The following ADD3 variants were observed in gnomAD, a reference collection of about 807,000 sequenced individuals.
The protein encoded by ADD3 is gamma-adducin.
In ADD3, 25 loss-of-function variants were observed where a neutral mutation model predicts 80.2. The observed-to-expected ratio is 0.31, with a 90% CI of 0.23 to 0.44. ADD3 has a LOEUF of 0.44. Ranked by LOEUF, ADD3 falls within the 20% of genes least tolerant of loss-of-function variation. The pLI, the probability that ADD3 is intolerant of heterozygous loss-of-function variation, is 1.00. For synonymous variants in ADD3, 284 were observed against 289.6 expected (o/e 0.98, Z 0.20); for missense variants, 829 against 847.5 (o/e 0.98, Z 0.27).
At chr10:110,051,775 A>G (rs532329908) in intron 1 of ADD3, among the ~76,000 whole-genome samples, 19 of 152,342 alleles carry the variant, frequency 1.2e-4, no homozygotes, top group Non-Finnish European at 2.5e-4. Context: ...ACTTAATTGT[A>G]TAGATTCCTT....
chr10:110,093,107 C>T (rs1287649012), intron 1 of ADD3, among the ~76,000 whole-genome samples: 1 of 152,206 alleles, frequency 6.6e-6, no homozygotes, highest in Non-Finnish European at 1.5e-5. Flanking sequence ...AATCCGCCCA[C>T]CTTGGCCTCC....
intron 12 of ADD3, among the ~76,000 whole-genome samples, chr10:110,127,650 T>C (rs1056776049): frequency 6.6e-6 from 1 of 152,134 alleles, no homozygotes; most frequent in Non-Finnish European, 1.5e-5. Flanking sequence ...TGTCCTAATA[T>C]TATTTTCCAC....
chr10:110,118,645 A>G lies in ADD3; in HGVS notation c.626A>G (p.Asp209Gly). 1 of 1,613,784 alleles carries G rather than the reference A, an allele frequency of 6.2e-7. No individual in the cohort carries two copies. The highest frequency in any genetic ancestry group is 2.2e-5 in the East Asian group (1 of 44,878). ...CAGGGAAGTACCAATTTGAAAATTG[A>G]CCATACAGGATTCAGTCCCCATGCT... ...VDQGSTNLKI[D>G]HTGFSPHAAI... is the part of the protein sequence containing the mutation. Residue 209 changes from aspartate to glycine, a missense_variant, in exon 6 of 15, where the codon GAC becomes GGC. Transcript: ENST00000356080.
intron 1 of ADD3, among the ~76,000 whole-genome samples, chr10:110,036,616 C>G (rs142507872): frequency 1.6e-3 from 242 of 152,090 alleles, no homozygotes; most frequent in African/African-American, 5.7e-3. Flanking sequence ...TCATGATCCG[C>G]CCGCCTTGGC....
At position 110,124,172 on chromosome 10, in the gene ADD3, G is replaced by C. The variant is rs1229661165; in HGVS notation, c.1299G>C (p.Gln433His). Residue 433 changes from glutamine to histidine, a missense_variant, in exon 10 of 15, where the codon CAG (glutamine) becomes CAC (histidine). By Grantham distance (24) the Gln-to-His change is conservative (BLOSUM62 0). Transcript: ENST00000356080. ...TCAAATACATGGCACAGAGGCAACA[G>C]CGTGAAAAAACAAGATGGCTGAACT... Reference protein sequence around the residue: ...SPLKYMAQRQQREKTRWLNSP... With the variant: ...SPLKYMAQRQHREKTRWLNSP... The C allele has an allele frequency of 8.7e-6, 14 of 1,614,028 alleles. No individual in the cohort carries two copies. Among genetic ancestry groups the C allele is most frequent in the Non-Finnish European group, 1.2e-5 (14 of 1,180,026 alleles).
At chr10:110,047,907 T>C (rs1030319963) in intron 1 of ADD3, among the ~76,000 whole-genome samples, 1 of 152,194 alleles carries the variant, frequency 6.6e-6, no homozygotes, top group Non-Finnish European at 1.5e-5. Flanking sequence ...GAAACAAACA[T>C]ATTATTACTA....
intron 13 of ADD3, among the ~76,000 whole-genome samples, chr10:110,131,809 G>A (rs764869039): frequency 4.6e-5 from 7 of 152,172 alleles, no homozygotes; most frequent in East Asian, 1.9e-4. Context: ...CTCTAGAACC[G>A]TCACCTTTTT....
At chr10:110,092,632 T>A (rs987720031) in intron 1 of ADD3, among the ~76,000 whole-genome samples, 1 of 152,182 alleles carries the variant, frequency 6.6e-6, no homozygotes, top group African/African-American at 2.4e-5. Flanking sequence ...GCTCACTTAC[T>A]TGGCTTATGA....
chr10:110,067,498 GAAC>G lies in ADD3; in HGVS notation c.-29-33126_-29-33124del, dbSNP rs1844111165. 5.9e-5 allele frequency among the ~76,000 whole-genome samples: 9 copies of G among 152,306 alleles called. No homozygotes were observed. The South Asian group carries it at 1.9e-3, about 32-fold the overall frequency. On this transcript the variant is annotated intron_variant, in intron 1 of 14. Coordinates refer to ENST00000356080, the MANE Select transcript of ADD3 (RefSeq NM_016824.5). ...GCAGGAATGAGTTTAAAGAGGTTGA[GAAC>G]TGTTTCAGATTAATAACTTGGAAAT...
chr10:110,072,202 C>T (rs112505663), intron 1 of ADD3, among the ~76,000 whole-genome samples: 3,278 of 152,294 alleles, frequency 0.022, 117 homozygotes, highest in African/African-American at 0.071. Flanking sequence ...TCTAGGACTA[C>T]AGGTGCCTGC....
At chr10:110,027,661 C>G (rs1055599750) in intron 1 of ADD3, among the ~76,000 whole-genome samples, 11 of 152,142 alleles carry the variant, frequency 7.2e-5, no homozygotes, top group African/African-American at 2.7e-4. Flanking sequence ...CCTGGAACAT[C>G]TTTCTCTTTT....
chr10:110,040,164 G>A (rs575887663), intron 1 of ADD3, among the ~76,000 whole-genome samples: 52 of 151,702 alleles, frequency 3.4e-4, no homozygotes, highest in Non-Finnish European at 6.0e-4. Flanking sequence ...TAGGTAAATC[G>A]TTAGGAAAGT....
At chr10:110,007,074 T>TGG (rs1851697037), upstream of ADD3, among the ~76,000 whole-genome samples, 1 of 150,964 alleles carries the variant, frequency 6.6e-6, no homozygotes, top group African/African-American at 2.4e-5. Flanking sequence ...GCGAGGGGGG[T>TGG]GGGAGGCCCG....
At chr10:110,039,995 C>T (rs1441406732) in intron 1 of ADD3, among the ~76,000 whole-genome samples, 2 of 152,118 alleles carry the variant, frequency 1.3e-5, no homozygotes, top group Admixed American at 6.5e-5. Context: ...AAAATAATCT[C>T]ATCTTGTGAA....
At chr10:110,105,570 A>G (rs554939383) in intron 2 of ADD3, among the ~76,000 whole-genome samples, 30 of 152,290 alleles carry the variant, frequency 2.0e-4, no homozygotes, top group African/African-American at 7.0e-4. Context: ...AAGCCTTACC[A>G]CCATGGGAAG....
In ADD3 at chr10:110,133,363, G is replaced by T. The variant is rs1477166202; in HGVS notation, c.1866G>T (p.Met622Ile). 1.4e-5 allele frequency: 23 copies of T among 1,602,316 alleles called. No individual in the cohort carries two copies. Among genetic ancestry groups the T allele is most frequent in the Non-Finnish European group, 2.0e-5 (23 of 1,170,940 alleles). Residue 622 changes from methionine to isoleucine, a missense_variant, in exon 15 of 15, where the codon ATG becomes ATT. Met to Ile is a conservative substitution (Grantham distance 10). Transcript: ENST00000356080. ...TGTTTTCCAAGAGCTTCATCTCCAT[G>T]GAAGTGCCTGTCATGGTAGTAAATG... ...HELFSKSFIS[M>I]EVPVMVVNGK...
upstream of ADD3, among the ~76,000 whole-genome samples, chr10:110,005,488 A>T (rs933756971): frequency 6.6e-6 from 1 of 152,244 alleles, no homozygotes; most frequent in African/African-American, 2.4e-5. Context: ...TTCTAGTCAC[A>T]TAAACGAGTT....
At chr10:110,074,509 G>A (rs1260616568) in intron 1 of ADD3, among the ~76,000 whole-genome samples, 2 of 152,024 alleles carry the variant, frequency 1.3e-5, no homozygotes, top group East Asian at 1.9e-4. Flanking sequence ...GACGTTGATT[G>A]GAGGGCAAAA....
chr10:110,006,082 C>T (rs1052293338), upstream of ADD3: 4 of 174,342 alleles, frequency 2.3e-5, no homozygotes. Flanking sequence ...GAATCCACAC[C>T]TAGAGAACAG....
Sources: gnomAD v4.1 joint callset for allele counts (sites outside exome capture counted in the v4.1 genomes callset) on GRCh38, gnomAD v4.1.1 for gene constraint, MANE v1.5 for transcripts, NCBI Gene and HGNC (gene_info 2026-07-23, HGNC 2026-07-21) for gene names.